Variants in ADARB2 observed in about 807,000 individuals in gnomAD.
ADARB2 encodes the protein inactive double-stranded RNA-specific editase B2.
In ADARB2, 25 loss-of-function variants were observed where a neutral mutation model predicts 62.2. That is an observed-to-expected ratio of 0.40 (90% CI 0.29 to 0.56). The LOEUF (loss-of-function observed/expected upper bound fraction) is 0.56. ADARB2 is among the 20% of genes least tolerant of loss of function. The probability of loss-of-function intolerance (pLI) is 0.43; values close to 1 mark genes in which losing one functional copy is unlikely to be tolerated. For synonymous variants in ADARB2, 572 were observed against 500.8 expected, an observed-to-expected ratio of 1.14 and a Z score of -1.90; for missense variants, 1,071 against 1,077.4, an observed-to-expected ratio of 0.99 and a Z score of 0.08.
intron 6 of ADARB2, among the ~76,000 whole-genome samples, chr10:1,220,756 C>CAA (rs1175229832): frequency 6.6e-6 from 1 of 152,120 alleles, no homozygotes; most frequent in East Asian, 1.9e-4. Flanking sequence ...TATTGTAAGG[C>CAA]CTTTCTAAAT....
Position 1,563,347 on chromosome 10 carries a change from A to G in ADARB2, c.100+173704T>C, listed in dbSNP as rs1832813400. Among the ~76,000 whole-genome samples the G allele has an allele frequency of 3.3e-5, 5 of 152,240 alleles. No homozygotes were observed. In the South Asian group the frequency reaches 1.0e-3, roughly 32 times the overall value. ...TCTCCCACACCCTTTAGATCTGCCT[A>G]TGGTGAGAACGTGGTTGCTCTAAGG... On this transcript the variant is annotated intron_variant, in intron 1 of 9. Transcript: ENST00000381312.
chr10:1,364,057 C>T, intron 2 of ADARB2, 140 bp from the exon 3 acceptor site: 2 of 1,232,410 alleles, frequency 1.6e-6, no homozygotes, highest in Non-Finnish European at 2.1e-6. Context: ...TGACTGTGGC[C>T]GCCAGAGAGA....
chr10:1,260,165 G>A (rs780481954), intron 4 of ADARB2, among the ~76,000 whole-genome samples: 11 of 152,108 alleles, frequency 7.2e-5, no homozygotes, highest in African/African-American at 2.7e-4. Context: ...AATAATAAGA[G>A]CTATCTATGA....
At chr10:1,270,286 C>T (rs1286060569) in intron 4 of ADARB2, among the ~76,000 whole-genome samples, 1 of 152,204 alleles carries the variant, frequency 6.6e-6, no homozygotes, top group Non-Finnish European at 1.5e-5. Flanking sequence ...GTGTGTGAAA[C>T]TTAATCCAAA....
At chr10:1,731,185 C>T (rs1397770550) in intron 1 of ADARB2, among the ~76,000 whole-genome samples, 3 of 152,078 alleles carry the variant, frequency 2.0e-5, no homozygotes, top group South Asian at 2.1e-4. Context: ...ATGTGGTTTC[C>T]GGGAAAATGG....
intron 1 of ADARB2, among the ~76,000 whole-genome samples, chr10:1,572,137 A>G (rs1588307163): frequency 7.1e-6 from 1 of 141,482 alleles, no homozygotes; most frequent in African/African-American, 2.7e-5. Flanking sequence ...GTGAGTGTGC[A>G]GGTGAGTGGA....
At chr10:1,536,824 A>C (rs574796751) in intron 1 of ADARB2, among the ~76,000 whole-genome samples, 1 of 152,378 alleles carries the variant, frequency 6.6e-6, no homozygotes, top group Non-Finnish European at 1.5e-5. Flanking sequence ...AGATGGATTA[A>C]AGACTTAAAT....
intron 1 of ADARB2, among the ~76,000 whole-genome samples, chr10:1,486,228 G>T (rs1298996913): frequency 6.6e-6 from 1 of 151,994 alleles, no homozygotes; most frequent in Non-Finnish European, 1.5e-5. Flanking sequence ...GTGTGTGTGT[G>T]TGTGTGTGTG....
intron 1 of ADARB2, among the ~76,000 whole-genome samples, chr10:1,567,782 C>G (rs937364551): frequency 1.3e-5 from 2 of 152,210 alleles, no homozygotes; most frequent in African/African-American, 2.4e-5. Context: ...ACCATGCGCA[C>G]AGCAGGGGCT....
chr10:1,419,409 G>T (rs929394762), intron 1 of ADARB2, among the ~76,000 whole-genome samples: 4 of 152,156 alleles, frequency 2.6e-5, no homozygotes, highest in Non-Finnish European at 4.4e-5. Context: ...AGAATTTAAT[G>T]TATGGACAGT....
chr10:1,512,043 T>G (rs1326277366), intron 1 of ADARB2, among the ~76,000 whole-genome samples: 1 of 142,276 alleles, frequency 7.0e-6, no homozygotes, highest in Admixed American at 7.0e-5. Context: ...ACACTGGATG[T>G]CAAGACATGG....
chr10:1,400,442 G>A (rs1467153607), intron 1 of ADARB2, among the ~76,000 whole-genome samples: 4 of 152,160 alleles, frequency 2.6e-5, no homozygotes, highest in South Asian at 2.1e-4. Flanking sequence ...AGCAAGTCAC[G>A]GCAGCACATG....
chr10:1,647,573 A>G (rs928818293), intron 1 of ADARB2, among the ~76,000 whole-genome samples: 1 of 151,896 alleles, frequency 6.6e-6, no homozygotes, highest in African/African-American at 2.4e-5. Context: ...ATCTGCATGT[A>G]TGTGTGTGTA....
chr10:1,260,225 C>T (rs993886105), intron 4 of ADARB2, among the ~76,000 whole-genome samples: 1 of 152,094 alleles, frequency 6.6e-6, no homozygotes, highest in Non-Finnish European at 1.5e-5. Flanking sequence ...GGAAGCATTC[C>T]CTTTGAAAAC....
intron 1 of ADARB2, among the ~76,000 whole-genome samples, chr10:1,652,824 C>A (rs1295682141): frequency 6.6e-6 from 1 of 152,124 alleles, no homozygotes; most frequent in African/African-American, 2.4e-5. Context: ...TATCACCCCC[C>A]AAGACTAAGG....
intron 1 of ADARB2, among the ~76,000 whole-genome samples, chr10:1,528,192 A>G (rs1421934785): frequency 2.0e-5 from 3 of 152,330 alleles, no homozygotes; most frequent in South Asian, 2.1e-4. Flanking sequence ...AGCTTACTGC[A>G]TTAATGTTAC....
intron 1 of ADARB2, among the ~76,000 whole-genome samples, chr10:1,390,487 A>G (rs1202455956): frequency 6.6e-6 from 1 of 152,254 alleles, no homozygotes; most frequent in Non-Finnish European, 1.5e-5. Context: ...AAAACCAAAA[A>G]TCATGACTGG....
intron 3 of ADARB2, among the ~76,000 whole-genome samples, chr10:1,342,542 C>T (rs936998925): frequency 1.5e-4 from 23 of 152,262 alleles, no homozygotes; most frequent in African/African-American, 5.1e-4. Flanking sequence ...TCTTGGAGAT[C>T]GCAGACCCAT....
At chr10:1,697,836 A>G (rs1373015785) in intron 1 of ADARB2, among the ~76,000 whole-genome samples, 1 of 152,146 alleles carries the variant, frequency 6.6e-6, no homozygotes, top group African/African-American at 2.4e-5. Context: ...GACTCCCTGC[A>G]ACTTCTCTTT....
Sources: gnomAD v4.1 joint callset for allele counts (sites outside exome capture counted in the v4.1 genomes callset) on GRCh38, gnomAD v4.1.1 for gene constraint, MANE v1.5 for transcripts, NCBI Gene and HGNC (gene_info 2026-07-23, HGNC 2026-07-21) for gene names.